The following PLAT variants were observed in gnomAD, a reference collection of about 807,000 sequenced individuals.
PLAT encodes the protein tissue-type plasminogen activator.
A neutral mutation model predicts 74.9 loss-of-function variants in PLAT; 48 were observed. The ratio of observed to expected loss-of-function variants is 0.64; its 90% CI spans 0.51 to 0.82. The LOEUF (loss-of-function observed/expected upper bound fraction) is 0.82, where lower values mean the gene tolerates loss of function less well. Among genes scored for constraint, PLAT ranks in the 40% least tolerant of loss-of-function variants. The probability of loss-of-function intolerance (pLI) is 0.00; values close to 1 mark genes in which losing one functional copy is unlikely to be tolerated. For synonymous variants in PLAT, 307 were observed against 294.4 expected (o/e 1.04, Z -0.44); for missense variants, 673 against 736.2 (o/e 0.91, Z 0.99).
rs1272217155 is a variant in PLAT, at chr8:42,174,953, A to G, written c.*1040T>C. On this transcript the variant is annotated 3_prime_UTR_variant, in exon 14 of 14. Transcript: ENST00000220809. The stretch of plus-strand genomic sequence containing the variant: ...TCCTTAAGATTCTATTTTTTCCTTA[A>G]GATTCCCCAATCCCTCTTGCAACTG... Among the ~76,000 whole-genome samples, 4 of 151,952 alleles carry G rather than the reference A, an allele frequency of 2.6e-5. No individual in the cohort carries two copies. Among genetic ancestry groups the G allele is most frequent in the African/African-American group, 7.3e-5 (3 of 41,370 alleles).
chr8:42,180,365 G>C lies in PLAT; in HGVS notation c.1099C>G (p.His367Asp). 6.2e-7 allele frequency: 1 copy of C among 1,614,234 alleles called. No individual in the cohort carries two copies. Among genetic ancestry groups the C allele is most frequent in the Non-Finnish European group, 8.5e-7 (1 of 1,180,022 alleles). The change falls in exon 11 of 14, where the codon CAC becomes GAC. Residue 367 changes from histidine (H) to aspartate (D), a missense_variant. Physicochemically the swap from His to Asp is moderately conservative, Grantham distance 81 (BLOSUM62 -1). Coordinates refer to ENST00000220809, the MANE Select transcript of PLAT (RefSeq NM_000930.5). ...HCFQERFPPHHLTVILGRTYR... is the reference protein window; with the variant it reads ...HCFQERFPPHDLTVILGRTYR... ...GTTCTGCCCAAGATCACCGTCAGGT[G>C]GTGGGGCGGAAACCTGGTGGAGAAA...
intron 1 of PLAT, among the ~76,000 whole-genome samples, chr8:42,196,936 C>A (rs1418762937): frequency 2.0e-5 from 3 of 151,880 alleles, no homozygotes; most frequent in Admixed American, 6.6e-5. Context: ...GAAAGGAAGG[C>A]CCCAAGGTTG....
At position 42,185,190 on chromosome 8, in the gene PLAT, G is replaced by A; in HGVS notation, c.540-18C>T. On this transcript the variant is annotated intron_variant, in intron 6 of 13. Transcript: ENST00000220809. ...CTGGGTTTCTGAAAAATCAGCCAAG[G>A]GAAGGGCCAGGGTAGGTCAAAGGTG... 1 of 1,563,838 alleles carries A rather than the reference G, an allele frequency of 6.4e-7. No individual in the cohort carries two copies. Among genetic ancestry groups the A allele is most frequent in the Non-Finnish European group, 8.8e-7 (1 of 1,137,786 alleles).
intron 2 of PLAT, 38 bp from the exon 3 acceptor site, chr8:42,191,452 T>C: frequency 6.2e-7 from 1 of 1,606,378 alleles, no homozygotes; most frequent in Non-Finnish European, 8.5e-7. Context: ...GATCAGCACA[T>C]GCCAGGTGTA....
chr8:42,181,172 C>G (rs1034922372), intron 9 of PLAT, among the ~76,000 whole-genome samples: 1 of 152,222 alleles, frequency 6.6e-6, no homozygotes, highest in East Asian at 1.9e-4. Flanking sequence ...CACTAATGCC[C>G]TTGGGTGTGA....
At chr8:42,187,151 T>C (rs1428381511) in intron 6 of PLAT, 1 of 402,026 alleles carries the variant, frequency 2.5e-6, no homozygotes, top group African/African-American at 2.0e-5. Context: ...CTGTCATCCA[T>C]CTACCGTCTA....
intron 1 of PLAT, among the ~76,000 whole-genome samples, chr8:42,204,565 CTT>C (rs1806260585): frequency 6.6e-6 from 1 of 151,768 alleles, no homozygotes; most frequent in Admixed American, 6.6e-5. Context: ...ATGGTGAAAA[CTT>C]AGCTGGGTGT....
rs369709932 is a variant in PLAT, at chr8:42,187,431, A to G, written c.506T>C (p.Ile169Thr). The G allele has an allele frequency of 6.3e-7, 1 of 1,598,848 alleles. No individual in the cohort carries two copies. The highest frequency in any genetic ancestry group is 1.1e-5 in the South Asian group (1 of 90,680). ...GTTGTGGTTCCCCAGGCCCAGCCTG[A>G]TGGCGTCTGGCCTCCGCCCGCTGTA... is the stretch of plus-strand genomic sequence containing the variant. ...KPYSGRRPDA[I>T]RLGLGNHNYC... The change falls in exon 6 of 14, where the codon ATC (isoleucine) becomes ACC (threonine). Residue 169 changes from isoleucine to threonine, a missense_variant. By Grantham distance (89) the Ile-to-Thr change is moderately conservative. Coordinates refer to ENST00000220809, the MANE Select transcript of PLAT (RefSeq NM_000930.5).
At chr8:42,194,253 T>A (rs934851819) in intron 1 of PLAT, among the ~76,000 whole-genome samples, 314 of 69,750 alleles carry the variant, frequency 4.5e-3, no homozygotes, top group African/African-American at 0.012. Context: ...TGTGTGTGTG[T>A]GTGTGTGTGT....
chr8:42,203,969 T>TTATATATATATATATATATATATATA (rs373313453), intron 1 of PLAT, among the ~76,000 whole-genome samples: 18 of 105,086 alleles, frequency 1.7e-4, no homozygotes, highest in African/African-American at 4.4e-4. Flanking sequence ...TGTCTCTAAA[T>TTATATATATATATATATATATATATA]TATATATATA....
At position 42,182,971 on chromosome 8, in the gene PLAT, G is replaced by T; in HGVS notation, c.632-81C>A. On this transcript the variant is annotated intron_variant, in intron 7 of 13. Transcript: ENST00000220809. ...CAGGGCTGGGGCTTGAAGCGGAGCT[G>T]CCGGTCGAGGAAGCTGGAGGCCGCT... The T allele has an allele frequency of 9.5e-6, 11 of 1,158,646 alleles. 1 individual carries two copies. Among genetic ancestry groups the T allele is most frequent in the Non-Finnish European group, 1.4e-5 (11 of 803,332 alleles). The allele number at this position is 1,158,646 out of a possible 1,614,324, so 71.8% of individuals were successfully genotyped here. A position where few individuals can be genotyped will look rare whatever the true frequency, so the allele number is the denominator to read the frequency against.
Position 42,180,237 on chromosome 8 carries a change from C to T in PLAT, c.1222+5G>A, listed in dbSNP as rs1000900649. ...GAACTGGAGCCGGGAATGACGAGCT[C>T]TTACCAATGTCATTGTCGTAAGTGT... On this transcript the variant is annotated splice_donor_5th_base_variant and intron_variant, in intron 11 of 13. Coordinates refer to ENST00000220809, the MANE Select transcript of PLAT (RefSeq NM_000930.5). 3.1e-6 allele frequency: 5 copies of T among 1,614,068 alleles called. No homozygotes were observed. The highest frequency in any genetic ancestry group is 2.2e-5 in the East Asian group (1 of 44,896).
At chr8:42,196,443 G>A (rs1039670262) in intron 1 of PLAT, among the ~76,000 whole-genome samples, 1 of 152,248 alleles carries the variant, frequency 6.6e-6, no homozygotes, top group Non-Finnish European at 1.5e-5. Flanking sequence ...AAAAGGCCAA[G>A]TGGGGTAAGA....
intron 4 of PLAT, 79 bp from the exon 5 acceptor site, chr8:42,188,095 A>G: frequency 5.2e-6 from 4 of 773,870 alleles, no homozygotes; most frequent in South Asian, 3.1e-5. Context: ...AGCCCTGTCT[A>G]CCACAATCCA....
intron 1 of PLAT, among the ~76,000 whole-genome samples, chr8:42,194,858 T>C (rs1311219258): frequency 7.2e-6 from 1 of 138,250 alleles, no homozygotes; most frequent in Non-Finnish European, 1.5e-5. Flanking sequence ...GATCCGGCAA[T>C]GTGCATATTT....
intron 13 of PLAT, among the ~76,000 whole-genome samples, chr8:42,178,071 A>T (rs1045408894): frequency 6.6e-6 from 1 of 152,170 alleles, no homozygotes; most frequent in African/African-American, 2.4e-5. Flanking sequence ...TATAAGTACT[A>T]ATTCTGATAA....
chr8:42,186,205 A>G (rs1805451480), intron 6 of PLAT: 1 of 151,612 alleles, frequency 6.6e-6, no homozygotes. Flanking sequence ...GCAGGCCTAA[A>G]GATCTTTACC....
At chr8:42,200,695 T>C (rs8178699) in intron 1 of PLAT, among the ~76,000 whole-genome samples, 6,115 of 107,688 alleles carry the variant, frequency 0.057, 359 homozygotes, top group African/African-American at 0.16. Flanking sequence ...AAAAAAAAAG[T>C]ATAAGCGTCG....
intron 1 of PLAT, among the ~76,000 whole-genome samples, chr8:42,202,669 G>A (rs1466674146): frequency 2.6e-5 from 4 of 152,198 alleles, no homozygotes; most frequent in Non-Finnish European, 5.9e-5. Context: ...TCCTGAAAGA[G>A]CTCATAGTTA....
Sources: allele counts gnomAD v4.1 joint callset (sites outside exome capture counted in the v4.1 genomes callset), GRCh38; gene constraint gnomAD v4.1.1; transcripts MANE v1.5; gene names NCBI Gene and HGNC (gene_info 2026-07-23, HGNC 2026-07-21).